TEX9: variants seen among roughly 807,000 people sequenced by gnomAD.
The protein encoded by TEX9 is testis expressed 9.
TEX9 carries 74 observed loss-of-function variants against 59.6 expected under a neutral mutation model. That is an observed-to-expected ratio of 1.24 (90% CI 1.03 to 1.51). TEX9 has a LOEUF of 1.51. TEX9 is among the 40% of genes most tolerant of loss of function. TEX9 has a pLI of 0.00. For synonymous variants in TEX9, 186 were observed against 152.2 expected, an observed-to-expected ratio of 1.22 and a Z score of -1.64; for missense variants, 522 against 447.8, an observed-to-expected ratio of 1.17 and a Z score of -1.49.
At chr15:56,251,982 TC>T (rs2044032833) in intron 1 of TEX9, among the ~76,000 whole-genome samples, 1 of 152,126 alleles carries the variant, frequency 6.6e-6, no homozygotes, top group East Asian at 1.9e-4. Flanking sequence ...TTTCATTACT[TC>T]CTTAGTTTAG....
the TEX9 span, among the ~76,000 whole-genome samples, chr15:56,460,009 A>AAAAAAAATATATATATATATATATAT: frequency 7.6e-5 from 2 of 26,386 alleles, no homozygotes; most frequent in Non-Finnish European, 7.0e-5. Context: ...AAAAAAAAAA[A>AAAAAAAATATATATATATATATATAT]ATACATATAT....
chr15:56,443,626 T>C (rs17819473), intron 12 of TEX9: 83,352 of 1,607,312 alleles, frequency 0.052, 2,730 homozygotes, highest in Admixed American at 0.12. Context: ...AAAGAAGTGG[T>C]TATTTTAATA....
intron 2 of TEX9, among the ~76,000 whole-genome samples, chr15:56,370,759 G>A (rs559843595): frequency 1.3e-5 from 2 of 152,262 alleles, no homozygotes; most frequent in South Asian, 4.1e-4. Flanking sequence ...ATACACAGGT[G>A]GATTTGTTTT....
At chr15:56,318,797 C>G (rs2045836891) in intron 1 of TEX9, among the ~76,000 whole-genome samples, 1 of 152,004 alleles carries the variant, frequency 6.6e-6, no homozygotes, top group African/African-American at 2.4e-5. Context: ...AAAATTTGCT[C>G]CGATATAGCT....
intron 9 of TEX9, chr15:56,395,092 G>C: frequency 2.1e-6 from 1 of 483,942 alleles, no homozygotes; most frequent in Non-Finnish European, 3.6e-6. Context: ...ATCCCTAAAA[G>C]ATACTTCATA....
At chr15:56,310,938 G>C (rs1433242399) in intron 1 of TEX9, among the ~76,000 whole-genome samples, 2 of 152,082 alleles carry the variant, frequency 1.3e-5, no homozygotes, top group Non-Finnish European at 2.9e-5. Context: ...TGCAGAGAGA[G>C]GTTGCTCTGG....
chr15:56,312,517 T>C (rs2141634881), intron 1 of TEX9, among the ~76,000 whole-genome samples: 1 of 149,734 alleles, frequency 6.7e-6, no homozygotes, highest in African/African-American at 2.5e-5. Context: ...TCTGTTTTGG[T>C]ACCAGTACCA....
At chr15:56,455,398 A>G in the TEX9 span, among the ~76,000 whole-genome samples, 2 of 152,122 alleles carry the variant, frequency 1.3e-5, no homozygotes, top group Non-Finnish European at 2.9e-5. Context: ...AGAGAATCTG[A>G]TTAGAGTTGT....
At chr15:56,346,373 A>T (rs2046470429) in intron 1 of TEX9, among the ~76,000 whole-genome samples, 2 of 152,126 alleles carry the variant, frequency 1.3e-5, no homozygotes, top group South Asian at 2.1e-4. Flanking sequence ...TCTGGCTCTT[A>T]CTAGGGATGG....
At chr15:56,334,569 C>T (rs2046222664) in intron 1 of TEX9, among the ~76,000 whole-genome samples, 2 of 152,074 alleles carry the variant, frequency 1.3e-5, no homozygotes, top group African/African-American at 2.4e-5. Flanking sequence ...ATACTGGGGA[C>T]ACTCTTTAGA....
chr15:56,316,119 A>G (rs1363851420), intron 1 of TEX9, among the ~76,000 whole-genome samples: 1 of 146,096 alleles, frequency 6.8e-6, no homozygotes, highest in African/African-American at 2.5e-5. Flanking sequence ...GCTCAGAGTA[A>G]TTTGATCGTC....
At chr15:56,300,816 A>G (rs1596074019) in intron 1 of TEX9, among the ~76,000 whole-genome samples, 1 of 152,128 alleles carries the variant, frequency 6.6e-6, no homozygotes, top group African/African-American at 2.4e-5. Flanking sequence ...ATATAGCTGC[A>G]GTGACCAAAT....
rs368510391 is a variant in TEX9, at chr15:56,285,273, C to T, written c.-107+40995C>T. On this transcript the variant is annotated intron_variant, in intron 1 of 5. Transcript: ENST00000560827. ...TATTTTCTGTTGGTACATAGAATTC[C>T]GGTTGGCAATTACTGCCTTTAGGAA... Among the ~76,000 whole-genome samples the T allele has an allele frequency of 1.3e-3, 197 of 152,178 alleles. 1 individual carries two copies. The highest frequency in any genetic ancestry group is 4.5e-3 in the African/African-American group (187 of 41,514).
chr15:56,445,366 T>A (rs1039181797), intron 12 of TEX9, among the ~76,000 whole-genome samples: 1 of 152,042 alleles, frequency 6.6e-6, no homozygotes, highest in African/African-American at 2.4e-5. Flanking sequence ...AAATAAGTTT[T>A]AAATGAAATA....
chr15:56,383,973 T>C lies in TEX9; in HGVS notation c.205T>C (p.Ser69Pro), dbSNP rs147433159. 1.3e-5 allele frequency: 21 copies of C among 1,612,580 alleles called. No homozygotes were observed. The highest frequency in any genetic ancestry group is 1.7e-5 in the Admixed American group (1 of 59,912). The change falls in exon 4 of 13, where the codon TCT becomes CCT. Residue 69 changes from serine (S) to proline (P), a missense_variant. Ser to Pro is a moderately conservative substitution (Grantham distance 74, BLOSUM62 -1). Coordinates refer to ENST00000352903, the Ensembl canonical transcript of TEX9. ...TAAGAGAGATCGGCAAGAAGTACGA[T>C]CTAGGCCTGTTTCAACACAAATGAA...
At chr15:56,436,901 G>T (rs1253660943) in intron 12 of TEX9, among the ~76,000 whole-genome samples, 1 of 152,104 alleles carries the variant, frequency 6.6e-6, no homozygotes, top group East Asian at 1.9e-4. Flanking sequence ...AGACTAAGCT[G>T]GGAAGAAGTT....
chr15:56,391,358 G>A, exon 7 of TEX9: 1 of 1,595,102 alleles, frequency 6.3e-7, no homozygotes, highest in Non-Finnish European at 8.5e-7. Context: ...ACTGGAGGAA[G>A]AAGGCTTACC....
intron 1 of TEX9, among the ~76,000 whole-genome samples, chr15:56,266,607 C>T (rs983141820): frequency 3.3e-5 from 5 of 151,718 alleles, no homozygotes; most frequent in Non-Finnish European, 7.4e-5. Flanking sequence ...ATACTTTGCT[C>T]AGAATGATGG....
At chr15:56,442,201 C>T (rs2050827630) in intron 12 of TEX9, among the ~76,000 whole-genome samples, 1 of 151,990 alleles carries the variant, frequency 6.6e-6, no homozygotes, top group East Asian at 1.9e-4. Flanking sequence ...TCACATCAGT[C>T]AGAATGGCTA....
Sources: allele counts gnomAD v4.1 joint callset (sites outside exome capture counted in the v4.1 genomes callset), GRCh38; gene constraint gnomAD v4.1.1; transcripts MANE v1.5; gene names NCBI Gene and HGNC (gene_info 2026-07-23, HGNC 2026-07-21).